SLC6A15: variants seen among roughly 807,000 people sequenced by gnomAD.
The protein encoded by SLC6A15 is solute carrier family 6 member 15.
SLC6A15 carries 33 observed loss-of-function variants against 68.5 expected under a neutral mutation model. That is an observed-to-expected ratio of 0.48 (90% CI 0.37 to 0.64). The LOEUF (loss-of-function observed/expected upper bound fraction) is 0.64, where lower values mean the gene tolerates loss of function less well. Among genes scored for constraint, SLC6A15 ranks in the 30% least tolerant of loss-of-function variants. The pLI is 0.00. For synonymous variants in SLC6A15, 347 were observed against 301.0 expected (o/e 1.15, Z -1.58); for missense variants, 747 against 874.3 (o/e 0.85, Z 1.84).
At chr12:84,885,668 T>G in intron 3 of SLC6A15, 107 bp from the exon 4 acceptor site, 1 of 1,250,946 alleles carries the variant, frequency 8.0e-7, no homozygotes, top group Admixed American at 2.5e-5. Context: ...CTCTTCATTT[T>G]ATTATTTATT....
At position 84,883,831 on chromosome 12, in the gene SLC6A15, G is replaced by A. The variant is rs144608535; in HGVS notation, c.756+28C>T. The stretch of plus-strand genomic sequence containing the variant: ...ATGAATCCAGAAATGGTGATTAGCA[G>A]AATGAGGAAGGGCTCTAACATACTA... On this transcript the variant is annotated intron_variant, in intron 5 of 11. Transcript: ENST00000266682. 5.6e-4 allele frequency: 903 copies of A among 1,613,928 alleles called. 1 individual carries two copies. The highest frequency in any genetic ancestry group is 7.3e-4 in the Non-Finnish European group (859 of 1,180,000).
rs73170079 is a variant in SLC6A15 at position 84,893,025 on chromosome 12, G to A, written c.-188-717C>T. On this transcript the variant is annotated intron_variant, in intron 1 of 11. Coordinates refer to ENST00000266682, the MANE Select transcript of SLC6A15 (RefSeq NM_182767.6). ...GCCTAGGCAGATCTCGAACTTCTGG[G>A]TTCAAGGGATCCCGCCTTGGCCTCC... is the stretch of plus-strand genomic sequence containing the variant. Among the ~76,000 whole-genome samples, 1,191 of 152,188 alleles carry A rather than the reference G, an allele frequency of 7.8e-3. 11 individuals are homozygous for A. The highest frequency in any genetic ancestry group is 0.013 in the Non-Finnish European group (897 of 67,996).
intron 1 of SLC6A15, among the ~76,000 whole-genome samples, chr12:84,899,480 G>A (rs916767354): frequency 5.3e-5 from 8 of 152,104 alleles, no homozygotes; most frequent in African/African-American, 9.7e-5. Context: ...AAATACTACC[G>A]TAGTCATGGA....
intron 2 of SLC6A15, among the ~76,000 whole-genome samples, chr12:84,886,983 C>T (rs1380882736): frequency 6.6e-6 from 1 of 152,128 alleles, no homozygotes; most frequent in Non-Finnish European, 1.5e-5. Context: ...CACTCTGTCA[C>T]CCAGGCTGAA....
intron 1 of SLC6A15, among the ~76,000 whole-genome samples, chr12:84,911,770 TG>T (rs1485460701): frequency 6.6e-6 from 1 of 152,170 alleles, no homozygotes. Flanking sequence ...AGAAACGATC[TG>T]GGTTTCTAAC....
chr12:84,861,796 T>C lies in SLC6A15; in HGVS notation c.2029A>G (p.Ile677Val). Residue 677 changes from isoleucine to valine, a missense_variant, in exon 12 of 12, where the codon ATT (isoleucine) becomes GTT (valine). Ile to Val is a conservative substitution (Grantham distance 29). Transcript: ENST00000266682. ...VNLEGDDTSLIHGKIPSEMPS... is the reference protein window; with the variant it reads ...VNLEGDDTSLVHGKIPSEMPS... ...ATCTCGCTCGGTATTTTTCCGTGAA[T>C]GAGGCTTGTATCATCGCCCTCTAAG... 1 of 1,614,028 alleles carries C rather than the reference T, an allele frequency of 6.2e-7. No individual in the cohort carries two copies. The highest frequency in any genetic ancestry group is 8.5e-7 in the Non-Finnish European group (1 of 1,179,942).
chr12:84,891,537 T>C (rs1872391387), intron 2 of SLC6A15, among the ~76,000 whole-genome samples: 1 of 152,150 alleles, frequency 6.6e-6, no homozygotes, highest in Non-Finnish European at 1.5e-5. Context: ...GCACAAACGA[T>C]GCAAGAAAAG....
chr12:84,886,007 C>T lies in SLC6A15; in HGVS notation c.351G>A (p.Leu117=). Residue 117 remains leucine (L), a synonymous_variant, in exon 3 of 12, where the codon TTG becomes TTA. Coordinates refer to ENST00000266682, the MANE Select transcript of SLC6A15 (RefSeq NM_182767.6). ...LMVIGIPLFF[L]ELSVGQRIRR... ...GAATTCTTTGACCCACAGAGAGTTC[C>T]AAGAAAAAAAGGGGAATACCTATTA... 1 of 1,606,528 alleles carries T rather than the reference C, an allele frequency of 6.2e-7. No homozygotes were observed.
At chr12:84,894,013 G>C (rs577357169) in intron 1 of SLC6A15, among the ~76,000 whole-genome samples, 1 of 152,064 alleles carries the variant, frequency 6.6e-6, no homozygotes, top group Admixed American at 6.5e-5. Context: ...TTAGCAAAAA[G>C]GCCGAGAAGC....
chr12:84,878,715 T>C (rs1871674898), intron 5 of SLC6A15, among the ~76,000 whole-genome samples: 1 of 152,322 alleles, frequency 6.6e-6, no homozygotes, highest in South Asian at 2.1e-4. Context: ...AGATTCTTCC[T>C]GTACTCATAT....
Position 84,882,845 on chromosome 12 carries a change from T to C in SLC6A15, c.756+1014A>G, listed in dbSNP as rs192407743. On this transcript the variant is annotated intron_variant, in intron 5 of 11. Transcript: ENST00000266682. ...TCACAGTACCCAAAGCAAAATACATTTGTAATAAATAATTGGCTTCAATTA... is the reference window on the plus strand; with the variant it reads ...TCACAGTACCCAAAGCAAAATACATCTGTAATAAATAATTGGCTTCAATTA... 538 of 322,570 alleles carry C rather than the reference T, an allele frequency of 1.7e-3. 1 individual carries two copies. Among genetic ancestry groups the C allele is most frequent in the Admixed American group, 2.8e-3 (44 of 15,458 alleles). The allele number at this position is 322,570 out of a possible 1,614,324, so 20.0% of individuals were successfully genotyped here. A position where few individuals can be genotyped will look rare whatever the true frequency, so the allele number is the denominator to read the frequency against.
rs555583712 is a variant in SLC6A15, at chr12:84,882,742, A to G, written c.756+1117T>C. The G allele has an allele frequency of 2.7e-3, 460 of 171,878 alleles. 5 individuals carry two copies. Among genetic ancestry groups the G allele is most frequent in the African/African-American group, 0.01 (435 of 41,904 alleles). 10.6% of individuals were successfully genotyped at this position (171,878 alleles called of 1,614,324 possible). A position where few individuals can be genotyped will look rare whatever the true frequency, so the allele number is the denominator to read the frequency against. ...TCAAACCTGTTTATTTTAAATCTGT[A>G]AAATGGTTCTGAAAATAAAAATTAC... is the stretch of plus-strand genomic sequence containing the variant. On this transcript the variant is annotated intron_variant, in intron 5 of 11. Transcript: ENST00000266682.
At chr12:84,903,895 T>C (rs1307751476) in intron 1 of SLC6A15, among the ~76,000 whole-genome samples, 1 of 152,170 alleles carries the variant, frequency 6.6e-6, no homozygotes, top group Non-Finnish European at 1.5e-5. Flanking sequence ...TTAAACTAAT[T>C]TATACTATGT....
Position 84,863,617 on chromosome 12 carries a change from G to A in SLC6A15, c.1656-16C>T. The A allele has an allele frequency of 6.7e-7, 1 of 1,488,328 alleles. No homozygotes were observed. The highest frequency in any genetic ancestry group is 1.4e-5 in the South Asian group (1 of 69,198). The allele number at this position is 1,488,328 out of a possible 1,614,324, so 92.2% of individuals were successfully genotyped here. A position where few individuals can be genotyped will look rare whatever the true frequency, so the allele number is the denominator to read the frequency against. On this transcript the variant is annotated splice_polypyrimidine_tract_variant and intron_variant, in intron 10 of 11. Coordinates refer to ENST00000266682, the MANE Select transcript of SLC6A15 (RefSeq NM_182767.6). ...TTCCATAAACCTGAATAAAAAGAAA[G>A]TATTTAATTATTCCTTAATTTAATA...
chr12:84,903,739 T>C (rs936284077), intron 1 of SLC6A15, among the ~76,000 whole-genome samples: 5 of 152,148 alleles, frequency 3.3e-5, no homozygotes, highest in Admixed American at 3.3e-4. Context: ...ATGCTTGTCA[T>C]GGCATGTAGG....
At chr12:84,884,399 G>A (rs755495050) in intron 4 of SLC6A15, among the ~76,000 whole-genome samples, 5 of 151,866 alleles carry the variant, frequency 3.3e-5, no homozygotes, top group Admixed American at 1.3e-4. Flanking sequence ...TCTGCCTCCC[G>A]GATTCAAGTG....
At chr12:84,887,404 G>T (rs1257164882) in intron 2 of SLC6A15, among the ~76,000 whole-genome samples, 2 of 152,062 alleles carry the variant, frequency 1.3e-5, no homozygotes, top group Non-Finnish European at 2.9e-5. Flanking sequence ...ATTTATCTCA[G>T]CATCTGTTTA....
intron 5 of SLC6A15, chr12:84,881,958 T>G: frequency 1.0e-6 from 1 of 984,230 alleles, no homozygotes; most frequent in Non-Finnish European, 1.2e-6. Context: ...CAAATACTAG[T>G]CTTTTCCTGA....
intron 1 of SLC6A15, among the ~76,000 whole-genome samples, chr12:84,896,522 C>G (rs1044338936): frequency 2.6e-5 from 4 of 152,236 alleles, no homozygotes; most frequent in Admixed American, 2.6e-4. Context: ...TTGCCAACCT[C>G]TCTTTCAGAG....
Sources: allele counts gnomAD v4.1 joint callset (sites outside exome capture counted in the v4.1 genomes callset), GRCh38; gene constraint gnomAD v4.1.1; transcripts MANE v1.5; gene names NCBI Gene and HGNC (gene_info 2026-07-23, HGNC 2026-07-21).